CCNF: variants seen among roughly 807,000 people sequenced by gnomAD.
The protein encoded by CCNF is cyclin F, also known as cyclin-F.
A neutral mutation model predicts 85.4 loss-of-function variants in CCNF; 30 were observed. The ratio of observed to expected loss-of-function variants is 0.35; its 90% CI spans 0.26 to 0.48. The LOEUF is 0.48. Among genes scored for constraint, CCNF ranks in the 20% least tolerant of loss-of-function variants. The probability of loss-of-function intolerance (pLI) is 0.99; values close to 1 mark genes in which losing one functional copy is unlikely to be tolerated. For missense variants in CCNF, 919 were observed against 1,010.4 expected (o/e 0.91, Z 1.23); for synonymous variants, 439 against 425.1 (o/e 1.03, Z -0.40).
chr16:2,456,943 C>T lies in CCNF; in HGVS notation c.2284C>T (p.Gln762Ter). The T allele has an allele frequency of 6.2e-7, 1 of 1,613,834 alleles. No individual in the cohort carries two copies. Among genetic ancestry groups the T allele is most frequent in the Non-Finnish European group, 8.5e-7 (1 of 1,179,878 alleles). Residue 762 changes from glutamine (Q) to a stop codon, truncating the protein, a stop_gained, in exon 17 of 17, where the codon CAG (glutamine) becomes TAG (stop). Coordinates refer to ENST00000397066, the MANE Select transcript of CCNF (RefSeq NM_001761.3). LOFTEE classifies it low-confidence loss of function (END_TRUNC). This position sits in a 1 kb window ranked among gnomAD's most constrained non-coding sequence, Gnocchi z 4.5. The stretch of plus-strand genomic sequence containing the variant: ...AAGTCCCCCGGAGAGCAGTGTTCCC[C>T]AGCAACAGGTGAAGCGGATAAACCT... ...PPSPPESSVP[Q>*]QQVKRINLCI...
At position 2,449,445 on chromosome 16, in the gene CCNF, G is replaced by A. The variant is rs1338170367; in HGVS notation, c.1382G>A (p.Arg461Lys). Reference protein sequence around the residue: ...RLAAAALLLARLTHGQTQPWT... With the variant: ...RLAAAALLLAKLTHGQTQPWT... ...GCTGCCGCAGCCCTGCTCCTGGCCA[G>A]ACTGACGCACGGGCAGAGTAAGGAG... Residue 461 changes from arginine to lysine, a missense_variant, in exon 12 of 17, where the codon AGA becomes AAA. This residue lies in a region of CCNF where 505 missense variants were observed against 514.8 expected (regional missense o/e 0.98). Coordinates refer to ENST00000397066, the MANE Select transcript of CCNF (RefSeq NM_001761.3). 6.2e-7 allele frequency: 1 copy of A among 1,606,182 alleles called. No individual in the cohort carries two copies. Among genetic ancestry groups the A allele is most frequent in the Non-Finnish European group, 8.5e-7 (1 of 1,179,668 alleles).
chr16:2,453,672 T>G lies in CCNF; in HGVS notation c.1715+135T>G, dbSNP rs1399187954. 1 of 1,173,072 alleles carries G rather than the reference T, an allele frequency of 8.5e-7. No homozygotes were observed. Among genetic ancestry groups the G allele is most frequent in the African/African-American group, 1.5e-5 (1 of 65,896 alleles). 72.7% of individuals were successfully genotyped at this position (1,173,072 alleles called of 1,614,324 possible). ...GCAGCAGATCCCAGGACAGTGACCC[T>G]GGGACGGAGCCCTGCAGTCATGCCT... On this transcript the variant is annotated intron_variant, in intron 15 of 16. Transcript: ENST00000397066. The surrounding 1 kb of genome is among the most constrained non-coding windows in gnomAD (Gnocchi z 5.6).
chr16:2,439,942 G>A, intron 8 of CCNF, 116 bp downstream of exon 8: 2 of 846,682 alleles, frequency 2.4e-6, no homozygotes, highest in Non-Finnish European at 3.9e-6. Context: ...CCACATGGGA[G>A]GCCAGGATTG....
In CCNF at chr16:2,430,956, C is replaced by T. The variant is rs562107942; in HGVS notation, c.17-174C>T. On this transcript the variant is annotated intron_variant, in intron 1 of 16. Transcript: ENST00000397066. ...TTCTGTAATTTGTGCAATGCCACTC[C>T]TTTACATAATCTTTGTTTGGGACAA... The T allele has an allele frequency of 3.8e-6, 3 of 788,132 alleles. No individual in the cohort carries two copies. The East Asian group carries it at 7.3e-5, about 19-fold the overall frequency. 48.8% of individuals were successfully genotyped at this position (788,132 alleles called of 1,614,324 possible). A position where few individuals can be genotyped will look rare whatever the true frequency, so the allele number is the denominator to read the frequency against.
Position 2,457,089 on chromosome 16 carries a change from A to T in CCNF, c.*69A>T, listed in dbSNP as rs1365305054. Reference sequence around the variant, plus strand: ...TGGAGGCGAAGGGTGGGAGCATAGCATAGGAACGCTGCATAGACCATGGAG... The same window carrying T: ...TGGAGGCGAAGGGTGGGAGCATAGCTTAGGAACGCTGCATAGACCATGGAG... On this transcript the variant is annotated 3_prime_UTR_variant, in exon 17 of 17. Coordinates refer to ENST00000397066, the MANE Select transcript of CCNF (RefSeq NM_001761.3). The T allele has an allele frequency of 5.4e-5, 63 of 1,170,792 alleles. No individual in the cohort carries two copies. Among genetic ancestry groups the T allele is most frequent in the Non-Finnish European group, 5.2e-5 (43 of 830,746 alleles). 72.5% of individuals were successfully genotyped at this position (1,170,792 alleles called of 1,614,324 possible).
chr16:2,451,703 C>T lies in CCNF; in HGVS notation c.1488-1507C>T, dbSNP rs1376201623. 6.6e-6 allele frequency among the ~76,000 whole-genome samples: 1 copy of T among 152,190 alleles called. No homozygotes were observed. The highest frequency in any genetic ancestry group is 1.5e-5 in the Non-Finnish European group (1 of 68,028). The stretch of plus-strand genomic sequence containing the variant: ...GTAGCAGAAACCACAGGCACCAGCA[C>T]AGCAGGCCTGGGTGCTTTTCTCCAG... On this transcript the variant is annotated intron_variant, in intron 13 of 16. Transcript: ENST00000397066. The surrounding 1 kb of genome is among the most constrained non-coding windows in gnomAD (Gnocchi z 4.3).
At chr16:2,455,633 G>GGCACCCGGCCCTGTGCGA (rs1178119244) in intron 16 of CCNF, 69 bp downstream of exon 16, 40 of 1,512,412 alleles carry the variant, frequency 2.6e-5, no homozygotes, top group Admixed American at 8.1e-5. Flanking sequence ...AGGGCCTCTG[G>GGCACCCGGCCCTGTGCGA]GCACCCGGCC....
chr16:2,447,997 A>G (rs2065371505), intron 10 of CCNF, among the ~76,000 whole-genome samples: 1 of 152,260 alleles, frequency 6.6e-6, no homozygotes, highest in Non-Finnish European at 1.5e-5. Flanking sequence ...ACTTGGCCTC[A>G]GTCCAAGGGG....
intron 1 of CCNF, 110 bp from the exon 2 acceptor site, chr16:2,431,020 A>T (rs1299747140): frequency 4.4e-6 from 5 of 1,125,420 alleles, no homozygotes; most frequent in Admixed American, 1.7e-5. Flanking sequence ...GGGAATAGTA[A>T]CCATTAGATC....
In CCNF at chr16:2,454,390, C is replaced by T. The variant is rs913734927; in HGVS notation, c.1715+853C>T. Among the ~76,000 whole-genome samples, 18 of 152,182 alleles carry T rather than the reference C, an allele frequency of 1.2e-4. 1 individual carries two copies. The highest frequency in any genetic ancestry group is 9.2e-4 in the Admixed American group (14 of 15,292). ...CGACTCCCTGGGGCCAGGGTCATCACGAGGAAAGTCCATGCAGATACGCAC... is the reference window on the plus strand; with the variant it reads ...CGACTCCCTGGGGCCAGGGTCATCATGAGGAAAGTCCATGCAGATACGCAC... On this transcript the variant is annotated intron_variant, in intron 15 of 16. Transcript: ENST00000397066.
chr16:2,443,847 A>G, intron 9 of CCNF, 47 bp downstream of exon 9: 1 of 1,582,668 alleles, frequency 6.3e-7, no homozygotes, highest in South Asian at 1.1e-5. Context: ...CGCGGAAGCC[A>G]GCCTCCAGGG....
At chr16:2,443,917 TA>T in intron 9 of CCNF, 117 bp downstream of exon 9, 1 of 877,384 alleles carries the variant, frequency 1.1e-6, no homozygotes, top group African/African-American at 2.2e-5. Context: ...AGAGTTCCCT[TA>T]TCACCCTTTT....
Position 2,435,824 on chromosome 16 carries a change from T to C in CCNF, c.297T>C (p.Asn99=). The part of the protein sequence containing the change: ...KLFERAAEKG[N]FEAAVKLGIA... ...GTTTCAGGGCTGCTGAAAAGGGGAA[T>C]TTCGAAGCTGCTGTGAAGCTGGGCA... The change falls in exon 4 of 17, where the codon AAT becomes AAC. Residue 99 remains asparagine, a synonymous_variant. Transcript: ENST00000397066. 6.2e-7 allele frequency: 1 copy of C among 1,613,810 alleles called. No individual in the cohort carries two copies.
In CCNF at chr16:2,456,558, C is replaced by T. The variant is rs200209194; in HGVS notation, c.1899C>T (p.Ser633=). ...GEKEGDVTAP[S]GILDVTVVYL... ...ACCTTCCTGCAGTGACAGCTCCCAG[C>T]GGCATCCTCGATGTCACCGTGGTCT... The change falls in exon 17 of 17, where the codon AGC becomes AGT. Residue 633 remains serine, a synonymous_variant. Transcript: ENST00000397066. This position sits in a 1 kb window ranked among gnomAD's most constrained non-coding sequence, Gnocchi z 4.5. 9 of 1,538,842 alleles carry T rather than the reference C, an allele frequency of 5.8e-6. No individual in the cohort carries two copies. Among genetic ancestry groups the T allele is most frequent in the South Asian group, 1.3e-5 (1 of 79,832 alleles).
Position 2,435,664 on chromosome 16 carries a change from CACATATATATATATAT to C in CCNF, c.279-140_279-125del, listed in dbSNP as rs1168867128. The C allele has an allele frequency of 0.18, 29,230 of 165,274 alleles. 2,984 individuals carry two copies. The highest frequency in any genetic ancestry group is 0.26 in the African/African-American group (10,160 of 38,554). The allele number at this position is 165,274 out of a possible 1,614,324, so 10.2% of individuals were successfully genotyped here. A position where few individuals can be genotyped will look rare whatever the true frequency, so the allele number is the denominator to read the frequency against. On this transcript the variant is annotated intron_variant, in intron 3 of 16. Coordinates refer to ENST00000397066, the MANE Select transcript of CCNF (RefSeq NM_001761.3). ...ACACACATATATATATGCACACACACACATATATATATATATATATATATATATATATATATATATT... is the reference window on the plus strand; with the variant it reads ...ACACACATATATATATGCACACACACATATATATATATATATATATATATT...
intron 12 of CCNF, 47 bp from the exon 13 acceptor site, chr16:2,449,781 C>A (rs2065383628): frequency 1.1e-6 from 1 of 933,136 alleles, no homozygotes; most frequent in South Asian, 1.3e-5. Flanking sequence ...CCTCCATCCC[C>A]TCCGTCCCCT....
At chr16:2,446,742 G>A (rs1366677782) in intron 10 of CCNF, among the ~76,000 whole-genome samples, 1 of 152,148 alleles carries the variant, frequency 6.6e-6, no homozygotes, top group Admixed American at 6.5e-5. Context: ...CAGGTCATTG[G>A]CATGTTTTTT....
At chr16:2,437,349 G>A (rs376142462) in intron 5 of CCNF, 27 bp downstream of exon 5, 35 of 1,536,558 alleles carry the variant, frequency 2.3e-5, no homozygotes, top group Non-Finnish European at 3.0e-5. Flanking sequence ...GGCAGCACCT[G>A]CGAGGCCACC....
Position 2,458,399 on chromosome 16 carries a change from C to G in CCNF, c.*1379C>G, listed in dbSNP as rs1415298223. 6.6e-6 allele frequency: 1 copy of G among 152,076 alleles called. No homozygotes were observed. Among genetic ancestry groups the G allele is most frequent in the African/African-American group, 2.4e-5 (1 of 41,368 alleles). The allele number at this position is 152,076 out of a possible 1,614,324, so 9.4% of individuals were successfully genotyped here. On this transcript the variant is annotated 3_prime_UTR_variant, in exon 17 of 17. Transcript: ENST00000397066. Reference sequence around the variant, plus strand: ...CCTGGGTAGCTGGGATTACAAGCACCCAACCACGCCCAGCTAATTTTTGTA... The same window carrying G: ...CCTGGGTAGCTGGGATTACAAGCACGCAACCACGCCCAGCTAATTTTTGTA...
Sources: allele counts gnomAD v4.1 joint callset (sites outside exome capture counted in the v4.1 genomes callset), GRCh38; gene constraint gnomAD v4.1.1; regional missense constraint gnomAD v4.1.1; non-coding constraint Gnocchi (gnomAD v3.1); transcripts MANE v1.5; gene names NCBI Gene and HGNC (gene_info 2026-07-23, HGNC 2026-07-21).